The following SNX29 variants were observed in gnomAD, a reference collection of about 807,000 sequenced individuals.
The protein encoded by SNX29 is sorting nexin 29, also known as sorting nexin-29.
SNX29 carries 78 observed loss-of-function variants against 102.1 expected under a neutral mutation model. The ratio of observed to expected loss-of-function variants is 0.76; its 90% CI spans 0.64 to 0.92. SNX29 has a LOEUF of 0.92. Among genes scored for constraint, SNX29 ranks in the 40% least tolerant of loss-of-function variants. The probability of loss-of-function intolerance (pLI) is 0.00; values close to 1 mark genes in which losing one functional copy is unlikely to be tolerated. For synonymous variants in SNX29, 580 were observed against 414.5 expected, an observed-to-expected ratio of 1.40 and a Z score of -4.85; for missense variants, 1,280 against 1,061.7, an observed-to-expected ratio of 1.21 and a Z score of -2.86.
At chr16:12,517,421 C>G (rs1468968714) in intron 19 of SNX29, among the ~76,000 whole-genome samples, 1 of 152,212 alleles carries the variant, frequency 6.6e-6, no homozygotes, top group East Asian at 1.9e-4. Flanking sequence ...CACTTGCTCC[C>G]TGGTGTTCGG....
intron 18 of SNX29, among the ~76,000 whole-genome samples, chr16:12,433,829 A>C (rs1039612041): frequency 6.6e-6 from 1 of 152,150 alleles, no homozygotes; most frequent in African/African-American, 2.4e-5. Context: ...GTCTCAAAAC[A>C]AAACAAAAAC....
intron 18 of SNX29, among the ~76,000 whole-genome samples, chr16:12,456,446 A>G (rs2086541214): frequency 6.6e-6 from 1 of 152,124 alleles, no homozygotes; most frequent in Non-Finnish European, 1.5e-5. Flanking sequence ...CAGAGAGAGA[A>G]TGATGGTAGA....
At chr16:12,568,253 T>A (rs1380890580) in intron 20 of SNX29, among the ~76,000 whole-genome samples, 1 of 149,462 alleles carries the variant, frequency 6.7e-6, no homozygotes, top group Non-Finnish European at 1.5e-5. Flanking sequence ...GGTGGTACCA[T>A]GAGCTAGCTC....
At chr16:12,503,174 A>G (rs1472895230) in intron 19 of SNX29, among the ~76,000 whole-genome samples, 2 of 146,216 alleles carry the variant, frequency 1.4e-5, no homozygotes, top group Non-Finnish European at 3.0e-5. Flanking sequence ...GCTGCCACCC[A>G]CCACTGCTGC....
rs537979953 is a variant in SNX29 at position 12,247,182 on chromosome 16, TG to T, written c.1679-30747del. ...GAATTCAGGAAGGCAGAGGCCGGTA[TG>T]GGGTGACCATTTGGCCGTTATAGCA... On this transcript the variant is annotated intron_variant, in intron 14 of 20. Transcript: ENST00000566228. Among the ~76,000 whole-genome samples, 560 of 152,262 alleles carry T rather than the reference TG, an allele frequency of 3.7e-3. 4 individuals carry two copies. The highest frequency in any genetic ancestry group is 0.013 in the African/African-American group (533 of 41,556).
chr16:12,334,916 T>TGC, intron 15 of SNX29, among the ~76,000 whole-genome samples: 1 of 150,580 alleles, frequency 6.6e-6, no homozygotes, highest in Non-Finnish European at 1.5e-5. Flanking sequence ...TTTTTTTTTT[T>TGC]TTTTTAAAAA....
At chr16:12,210,168 G>GGT (rs1411082830) in intron 14 of SNX29, among the ~76,000 whole-genome samples, 2 of 152,036 alleles carry the variant, frequency 1.3e-5, no homozygotes, top group Non-Finnish European at 2.9e-5. Context: ...ACTGGTTCAG[G>GGT]GTGTGTGTGT....
intron 1 of SNX29, 117 bp from the exon 2 acceptor site, chr16:11,999,180 A>G: frequency 1.2e-6 from 1 of 835,786 alleles, no homozygotes; most frequent in Non-Finnish European, 1.9e-6. Context: ...GATACAGATT[A>G]TTGATACCTA....
intron 13 of SNX29, among the ~76,000 whole-genome samples, chr16:12,138,707 G>A (rs1232744666): frequency 6.6e-6 from 1 of 152,120 alleles, no homozygotes; most frequent in Non-Finnish European, 1.5e-5. Flanking sequence ...TAGGAAGCCT[G>A]TGTTTATGGA....
intron 20 of SNX29, among the ~76,000 whole-genome samples, chr16:12,548,855 C>T (rs191187400): frequency 2.0e-5 from 3 of 152,354 alleles, no homozygotes; most frequent in African/African-American, 7.2e-5. Flanking sequence ...TTCCTCTGCT[C>T]TGCAGCCAGG....
chr16:12,044,251 A>G (rs1329279778), intron 5 of SNX29, among the ~76,000 whole-genome samples: 1 of 152,072 alleles, frequency 6.6e-6, no homozygotes, highest in African/African-American at 2.4e-5. Flanking sequence ...TGTTCCCTTG[A>G]TTTTATGTCT....
intron 20 of SNX29, among the ~76,000 whole-genome samples, chr16:12,531,696 A>G (rs775739832): frequency 4.9e-4 from 74 of 152,188 alleles, no homozygotes; most frequent in Admixed American, 1.3e-3. Context: ...AGAGAGGTCA[A>G]GGGGACAAGG....
intron 16 of SNX29, among the ~76,000 whole-genome samples, chr16:12,389,233 T>C (rs1341253073): frequency 1.3e-5 from 2 of 152,172 alleles, no homozygotes; most frequent in African/African-American, 4.8e-5. Flanking sequence ...AAATTGGAGT[T>C]AAGGATGAAA....
intron 8 of SNX29, 44 bp downstream of exon 8, chr16:12,052,266 G>T (rs567112249): frequency 2.5e-5 from 40 of 1,607,634 alleles, no homozygotes; most frequent in Admixed American, 1.4e-4. Flanking sequence ...CCCCAGGCTG[G>T]AGTGCCGTGG....
chr16:12,215,315 A>C (rs1052855740), intron 14 of SNX29, among the ~76,000 whole-genome samples: 1 of 51,862 alleles, frequency 1.9e-5, no homozygotes, highest in African/African-American at 6.8e-5. Context: ...TCTCTACAGA[A>C]AAAAAAAAAA....
rs755218989 is a variant in SNX29 at position 12,568,557 on chromosome 16, C to A, written c.2370C>A (p.Ser790=). 2 of 1,609,310 alleles carry A rather than the reference C, an allele frequency of 1.2e-6. No individual in the cohort carries two copies. Among genetic ancestry groups the A allele is most frequent in the African/African-American group, 1.3e-5 (1 of 74,934 alleles). The change falls in exon 21 of 21, where the codon TCC becomes TCA. Residue 790 remains serine, a synonymous_variant. Coordinates refer to ENST00000566228, the MANE Select transcript of SNX29 (RefSeq NM_032167.5). The stretch of plus-strand genomic sequence containing the variant: ...TGAACAGCCGGCCCAAAGCAGCTTC[C>A]CGCTTCCCCAAACTGTCCCGGGGTC... The part of the protein sequence containing the change: ...EPVNSRPKAA[S]RFPKLSRGQP...
chr16:12,560,899 T>TTTTC, intron 20 of SNX29: 1 of 193,604 alleles, frequency 5.2e-6, no homozygotes, highest in East Asian at 8.1e-5. Context: ...GCAGTGGCTT[T>TTTTC]TTTAATCCTT....
intron 15 of SNX29, among the ~76,000 whole-genome samples, chr16:12,305,240 G>A (rs1410344416): frequency 6.6e-6 from 1 of 152,230 alleles, no homozygotes; most frequent in Non-Finnish European, 1.5e-5. Context: ...ATGAGTGTGA[G>A]AAAGGAGAGG....
chr16:12,345,474 C>T (rs569134733), intron 15 of SNX29, among the ~76,000 whole-genome samples: 19 of 152,190 alleles, frequency 1.2e-4, no homozygotes, highest in Admixed American at 5.2e-4. Context: ...TAGCCGTGCT[C>T]CACTCACCGA....
Sources: allele counts gnomAD v4.1 joint callset (sites outside exome capture counted in the v4.1 genomes callset), GRCh38; gene constraint gnomAD v4.1.1; transcripts MANE v1.5; gene names NCBI Gene and HGNC (gene_info 2026-07-23, HGNC 2026-07-21).